Variants in CFAP210 observed in about 807,000 individuals in gnomAD.
CFAP210 encodes the protein cilia and flagella associated protein 210.
the CFAP210 span, among the ~76,000 whole-genome samples, chr2:169,661,667 T>C: frequency 6.6e-6 from 1 of 152,254 alleles, no homozygotes; most frequent in Admixed American, 6.5e-5. Context: ...TTCATTGTTT[T>C]AAAATCTCAT....
chr2:169,654,676 T>C, the CFAP210 span, among the ~76,000 whole-genome samples: 1 of 152,128 alleles, frequency 6.6e-6, no homozygotes, highest in Non-Finnish European at 1.5e-5. Context: ...TATGAGATAA[T>C]AGGTAACTTT....
At chr2:169,680,945 G>A in the CFAP210 span, 2 of 1,346,660 alleles carry the variant, frequency 1.5e-6, no homozygotes, top group Admixed American at 3.9e-5. Context: ...AGAAGCATAA[G>A]AGTACTAAGA....
At chr2:169,692,444 G>GCGCGCGCA in the CFAP210 span, among the ~76,000 whole-genome samples, 7 of 143,788 alleles carry the variant, frequency 4.9e-5, no homozygotes, top group Middle Eastern at 3.5e-3. Context: ...ACAGGCGCAC[G>GCGCGCGCA]CACACACACA....
chr2:169,690,545 C>T, the CFAP210 span, among the ~76,000 whole-genome samples: 2 of 151,868 alleles, frequency 1.3e-5, no homozygotes, highest in Non-Finnish European at 2.9e-5. Flanking sequence ...TGCCTGTAAT[C>T]CCAGCTACTC....
the CFAP210 span, among the ~76,000 whole-genome samples, chr2:169,654,572 T>C: frequency 1.3e-5 from 2 of 152,210 alleles, no homozygotes; most frequent in African/African-American, 4.8e-5. Flanking sequence ...TTACATAGTA[T>C]ATTCCAATTT....
At chr2:169,661,252 C>T in the CFAP210 span, 2 of 560,622 alleles carry the variant, frequency 3.6e-6, no homozygotes, top group African/African-American at 3.8e-5. Flanking sequence ...GTCATCTCCT[C>T]TGTATGACTG....
the CFAP210 span, among the ~76,000 whole-genome samples, chr2:169,673,599 A>C: frequency 6.6e-6 from 1 of 151,948 alleles, no homozygotes; most frequent in Non-Finnish European, 1.5e-5. Flanking sequence ...TATATATGTG[A>C]CATACAGGTA....
chr2:169,655,737 G>A, the CFAP210 span, among the ~76,000 whole-genome samples: 18 of 152,218 alleles, frequency 1.2e-4, no homozygotes, highest in African/African-American at 4.3e-4. Context: ...AGCCTACTTG[G>A]AGACATAAAA....
the CFAP210 span, chr2:169,675,008 C>CT: frequency 1.3e-6 from 2 of 1,529,552 alleles, no homozygotes; most frequent in South Asian, 1.3e-5. Flanking sequence ...CATCACGCTT[C>CT]TTTTTGGCTT....
the CFAP210 span, among the ~76,000 whole-genome samples, chr2:169,646,344 C>G: frequency 1.3e-5 from 2 of 152,106 alleles, no homozygotes; most frequent in Admixed American, 1.3e-4. Flanking sequence ...CAGAATCTTT[C>G]CTATCATGCT....
chr2:169,694,362 C>CA, the CFAP210 span: 1 of 1,601,844 alleles, frequency 6.2e-7, no homozygotes, highest in Admixed American at 1.7e-5. Flanking sequence ...ACTGTGGCGC[C>CA]AAGCGCCGCG....
At chr2:169,684,648 C>CGTTGTTGTT in the CFAP210 span, among the ~76,000 whole-genome samples, 7 of 151,550 alleles carry the variant, frequency 4.6e-5, no homozygotes, top group Admixed American at 2.6e-4. Flanking sequence ...GATTCCTTTT[C>CGTTGTTGTT]GTTGTTGTTG....
At chr2:169,693,607 GA>G in the CFAP210 span, among the ~76,000 whole-genome samples, 1 of 152,246 alleles carries the variant, frequency 6.6e-6, no homozygotes, top group African/African-American at 2.4e-5. Context: ...ACAGACGTAA[GA>G]AACTGTTGTA....
chr2:169,662,262 T>C, the CFAP210 span: 1 of 1,588,480 alleles, frequency 6.3e-7, no homozygotes, highest in South Asian at 1.2e-5. Flanking sequence ...TTTTGGAACT[T>C]TTGCCCTTTC....
chr2:169,677,563 A>G, the CFAP210 span, among the ~76,000 whole-genome samples: 15,345 of 152,276 alleles, frequency 0.1, 965 homozygotes, highest in Middle Eastern at 0.19. Context: ...ATAGAAGGCA[A>G]CTTCAACTTG....
the CFAP210 span, among the ~76,000 whole-genome samples, chr2:169,673,827 C>T: frequency 6.6e-6 from 1 of 151,998 alleles, no homozygotes; most frequent in South Asian, 2.1e-4. Context: ...TGCAGCTATA[C>T]TTTTTAAAAG....
the CFAP210 span, among the ~76,000 whole-genome samples, chr2:169,676,690 T>A: frequency 1.3e-5 from 2 of 152,294 alleles, no homozygotes; most frequent in African/African-American, 4.8e-5. Flanking sequence ...AATTAATAAA[T>A]TATGACCATT....
chr2:169,688,497 TA>T, the CFAP210 span, among the ~76,000 whole-genome samples: 3 of 152,242 alleles, frequency 2.0e-5, no homozygotes, highest in Non-Finnish European at 4.4e-5. Context: ...TGAATGCCCT[TA>T]ACAGTATCCA....
chr2:169,653,486 A>G, the CFAP210 span, among the ~76,000 whole-genome samples: 90,386 of 151,702 alleles, frequency 0.6, 27,571 homozygotes, highest in African/African-American at 0.72. Context: ...TGATTTAGAC[A>G]GAAACCCCCT....
Sources: gnomAD v4.1 joint callset for allele counts (sites outside exome capture counted in the v4.1 genomes callset) on GRCh38, gnomAD v4.1.1 for gene constraint, MANE v1.5 for transcripts, NCBI Gene and HGNC (gene_info 2026-07-23, HGNC 2026-07-21) for gene names.